The following CIMIP5 variants were observed in gnomAD, a reference collection of about 807,000 sequenced individuals.
The protein encoded by CIMIP5 is ciliary microtubule inner protein 5, also known as uncharacterized protein C2orf50.
the CIMIP5 span, among the ~76,000 whole-genome samples, chr2:11,140,834 T>G: frequency 6.6e-6 from 1 of 152,182 alleles, no homozygotes; most frequent in Admixed American, 6.5e-5. Flanking sequence ...TGATTGAGGA[T>G]GGCAGCAATA....
the CIMIP5 span, among the ~76,000 whole-genome samples, chr2:11,152,463 C>A: frequency 6.6e-6 from 1 of 152,148 alleles, no homozygotes; most frequent in African/African-American, 2.4e-5. Context: ...GGTCTGATTT[C>A]TTTCATTGTC....
At chr2:11,133,392 C>T in the CIMIP5 span, 3 of 1,611,768 alleles carry the variant, frequency 1.9e-6, no homozygotes, top group Admixed American at 1.7e-5. Flanking sequence ...GTACCGATTG[C>T]CCCCCACCAG....
At chr2:11,133,310 G>GCACACACACACACA in the CIMIP5 span, 2,140 of 1,356,342 alleles carry the variant, frequency 1.6e-3, 28 homozygotes, top group African/African-American at 0.029. Context: ...TGACACAAGC[G>GCACACACACACACA]CACACACACA....
the CIMIP5 span, among the ~76,000 whole-genome samples, chr2:11,153,881 G>A: frequency 6.7e-6 from 1 of 148,314 alleles, no homozygotes; most frequent in Non-Finnish European, 1.5e-5. Flanking sequence ...CAGAGATCGT[G>A]CCACTGCACT....
At chr2:11,138,846 C>T in the CIMIP5 span, among the ~76,000 whole-genome samples, 1 of 152,168 alleles carries the variant, frequency 6.6e-6, no homozygotes, top group African/African-American at 2.4e-5. Flanking sequence ...TAAGCAGATG[C>T]CAGCATCCTG....
chr2:11,143,843 C>G, the CIMIP5 span: 1 of 1,264,870 alleles, frequency 7.9e-7, no homozygotes, highest in African/African-American at 1.5e-5. Flanking sequence ...GGCAGCTGCT[C>G]TCTGCTCTGT....
chr2:11,141,261 T>G, the CIMIP5 span, among the ~76,000 whole-genome samples: 1 of 151,966 alleles, frequency 6.6e-6, no homozygotes, highest in Admixed American at 6.6e-5. Context: ...CCTGAGTAGC[T>G]GAGATTATAG....
chr2:11,147,115 C>A, the CIMIP5 span, among the ~76,000 whole-genome samples: 710 of 152,316 alleles, frequency 4.7e-3, 2 homozygotes, highest in African/African-American at 0.017. Context: ...ACAATGCAAC[C>A]TATAAGCACA....
At chr2:11,146,883 T>C in the CIMIP5 span, 1 of 152,380 alleles carries the variant, frequency 6.6e-6, no homozygotes, top group South Asian at 2.1e-4. Flanking sequence ...AGACCCAATC[T>C]ACGTTTTTGC....
At chr2:11,133,973 G>T in the CIMIP5 span, among the ~76,000 whole-genome samples, 1 of 152,060 alleles carries the variant, frequency 6.6e-6, no homozygotes, top group Admixed American at 6.5e-5. Flanking sequence ...CCCATGAGCC[G>T]CTCTGAAACG....
At chr2:11,133,523 C>A in the CIMIP5 span, 1 of 1,608,108 alleles carries the variant, frequency 6.2e-7, no homozygotes, top group South Asian at 1.1e-5. Flanking sequence ...GAGCTGCCTG[C>A]GATGGCGTGC....
At chr2:11,150,219 G>A in the CIMIP5 span, among the ~76,000 whole-genome samples, 59 of 152,258 alleles carry the variant, frequency 3.9e-4, no homozygotes, top group Middle Eastern at 3.4e-3. Context: ...GATTACAGGC[G>A]TGAGCCACTG....
the CIMIP5 span, chr2:11,140,665 C>G: frequency 1.4e-6 from 1 of 740,446 alleles, no homozygotes; most frequent in South Asian, 3.0e-5. Context: ...GGATGTGCAG[C>G]GATGAGTCAA....
chr2:11,144,311 T>C, the CIMIP5 span: 1 of 408,398 alleles, frequency 2.4e-6, no homozygotes, highest in Non-Finnish European at 4.3e-6. Flanking sequence ...AGTCAGTAAC[T>C]GGTCCACGGC....
chr2:11,139,110 G>A, the CIMIP5 span, among the ~76,000 whole-genome samples: 1 of 151,958 alleles, frequency 6.6e-6, no homozygotes, highest in Non-Finnish European at 1.5e-5. Flanking sequence ...TGGAGACAGG[G>A]TTTCACCATG....
chr2:11,152,426 AG>A, the CIMIP5 span, among the ~76,000 whole-genome samples: 1 of 152,218 alleles, frequency 6.6e-6, no homozygotes, highest in Non-Finnish European at 1.5e-5. Context: ...GACAGCTTAA[AG>A]TTTAGAAGCA....
chr2:11,143,970 G>A, the CIMIP5 span: 84 of 1,604,606 alleles, frequency 5.2e-5, no homozygotes, highest in East Asian at 5.6e-4. Flanking sequence ...CTCTCTTTTC[G>A]GACACAGTTC....
chr2:11,148,467 A>G, the CIMIP5 span, among the ~76,000 whole-genome samples: 1 of 152,112 alleles, frequency 6.6e-6, no homozygotes, highest in African/African-American at 2.4e-5. Flanking sequence ...GTACAAGGCG[A>G]GCCTGGAGCA....
the CIMIP5 span, among the ~76,000 whole-genome samples, chr2:11,133,987 C>G: frequency 6.6e-6 from 1 of 152,096 alleles, no homozygotes; most frequent in Admixed American, 6.6e-5. Flanking sequence ...TGAAACGAGA[C>G]CAGACTGCAA....
Sources: allele counts gnomAD v4.1 joint callset (sites outside exome capture counted in the v4.1 genomes callset), GRCh38; gene constraint gnomAD v4.1.1; transcripts MANE v1.5; gene names NCBI Gene and HGNC (gene_info 2026-07-23, HGNC 2026-07-21).